VPS13A: variants seen among roughly 807,000 people sequenced by gnomAD.
VPS13A encodes the protein intermembrane lipid transfer protein VPS13A.
In VPS13A, 264 loss-of-function variants were observed where a neutral mutation model predicts 390.9. The ratio of observed to expected loss-of-function variants is 0.68; its 90% CI spans 0.61 to 0.75. The LOEUF is 0.75. VPS13A is among the 30% of genes least tolerant of loss of function. The pLI is 0.00. For missense variants in VPS13A, 3,409 were observed against 3,733.9 expected, an observed-to-expected ratio of 0.91 and a Z score of 2.27; for synonymous variants, 1,231 against 1,227.1, an observed-to-expected ratio of 1.00 and a Z score of -0.07.
intron 22 of VPS13A, among the ~76,000 whole-genome samples, chr9:77,258,922 C>A (rs1243621323): frequency 1.3e-5 from 2 of 152,136 alleles, no homozygotes; most frequent in South Asian, 4.1e-4. Flanking sequence ...AAGAAAAGGG[C>A]AGCTTTTATC....
At chr9:77,204,962 G>A (rs1330948809) in intron 3 of VPS13A, among the ~76,000 whole-genome samples, 1 of 152,020 alleles carries the variant, frequency 6.6e-6, no homozygotes, top group Non-Finnish European at 1.5e-5. Flanking sequence ...AAAAATATAG[G>A]TTTAGAGTAA....
In VPS13A at chr9:77,206,051, A is replaced by G. The variant is rs1825621283; in HGVS notation, c.357A>G (p.Glu119=). 3 of 1,581,900 alleles carry G rather than the reference A, an allele frequency of 1.9e-6. No individual in the cohort carries two copies. The Middle Eastern group carries it at 5.1e-4, about 267-fold the overall frequency. The part of the protein sequence containing the change: ...EAKQQELKRI[E]EAKQKVVDQE... The stretch of plus-strand genomic sequence containing the variant: ...AGCAACAGGAACTGAAAAGAATAGA[A>G]GAAGCAAAACAAAAAGTAGTTGATC... The change falls in exon 5 of 72, where the codon GAA becomes GAG. Residue 119 remains glutamate, a synonymous_variant. Transcript: ENST00000360280.
intron 52 of VPS13A, among the ~76,000 whole-genome samples, chr9:77,349,489 G>C (rs765534511): frequency 6.6e-6 from 1 of 152,056 alleles, no homozygotes; most frequent in Non-Finnish European, 1.5e-5. Context: ...CCCGATGTCA[G>C]TTGTTCCTTC....
chr9:77,205,857 T>C, intron 4 of VPS13A, 121 bp from the exon 5 acceptor site: 10 of 691,868 alleles, frequency 1.4e-5, no homozygotes, highest in South Asian at 3.6e-5. Flanking sequence ...CCCAAAGTGC[T>C]GGGATTACAG....
At chr9:77,400,307 C>T (rs1384762386) in intron 68 of VPS13A, among the ~76,000 whole-genome samples, 2 of 115,478 alleles carry the variant, frequency 1.7e-5, no homozygotes, top group East Asian at 2.7e-4. Flanking sequence ...TTTTTTCTGT[C>T]GGTTTCTTCA....
chr9:77,183,907 C>T (rs2131051763), intron 1 of VPS13A, among the ~76,000 whole-genome samples: 1 of 152,362 alleles, frequency 6.6e-6, no homozygotes, highest in East Asian at 1.9e-4. Context: ...TTTAACCACA[C>T]ATGTTTTGTC....
rs188844161 is a variant in VPS13A at position 77,316,157 on chromosome 9, A to G, written c.4631-17A>G. The G allele has an allele frequency of 6.5e-4, 964 of 1,475,798 alleles. 6 individuals carry two copies. In the Middle Eastern group the frequency reaches 0.014, roughly 21 times the overall value. 91.4% of individuals were successfully genotyped at this position (1,475,798 alleles called of 1,614,324 possible). On this transcript the variant is annotated splice_polypyrimidine_tract_variant and intron_variant, in intron 38 of 71. Transcript: ENST00000360280. ...TAATATATAGCAAATATTTTAATCT[A>G]TTTTTATTTGTTTTAGTACCTACAC... is the stretch of plus-strand genomic sequence containing the variant.
chr9:77,318,601 T>G lies in VPS13A; in HGVS notation c.5313+10T>G. On this transcript the variant is annotated intron_variant, in intron 41 of 71. Coordinates refer to ENST00000360280, the MANE Select transcript of VPS13A (RefSeq NM_033305.3). ...TCAGCTTGAGCTAGAAGTAAGCATA[T>G]TTTTCCAGTTTTATAACAGATAATG... 2 of 1,592,714 alleles carry G rather than the reference T, an allele frequency of 1.3e-6. No individual in the cohort carries two copies. The highest frequency in any genetic ancestry group is 1.7e-6 in the Non-Finnish European group (2 of 1,160,840).
intron 22 of VPS13A, among the ~76,000 whole-genome samples, chr9:77,257,855 TC>T (rs372566238): frequency 3.2e-4 from 48 of 152,320 alleles, no homozygotes; most frequent in African/African-American, 1.1e-3. Context: ...CTTATTGATG[TC>T]CCAGATTATA....
intron 45 of VPS13A, among the ~76,000 whole-genome samples, chr9:77,328,762 T>G (rs1467988130): frequency 6.6e-6 from 1 of 152,178 alleles, no homozygotes; most frequent in Non-Finnish European, 1.5e-5. Flanking sequence ...TTGAAGAGAG[T>G]TAGGGCCTAT....
At chr9:77,407,421 A>T in intron 70 of VPS13A, 112 bp from the exon 71 acceptor site, 3 of 825,914 alleles carry the variant, frequency 3.6e-6, no homozygotes, top group South Asian at 3.2e-5. Flanking sequence ...AAGGTGCATG[A>T]TTTGTATAAG....
chr9:77,413,789 C>T (rs144434318), intron 71 of VPS13A, among the ~76,000 whole-genome samples: 1,771 of 152,220 alleles, frequency 0.012, 21 homozygotes, highest in South Asian at 0.028. Flanking sequence ...AAGAAGCTAC[C>T]ATCAGATTGA....
intron 56 of VPS13A, 42 bp downstream of exon 56, chr9:77,357,880 G>A (rs542922538): frequency 1.3e-6 from 2 of 1,570,530 alleles, no homozygotes; most frequent in South Asian, 1.1e-5. Context: ...TATTCTAAAG[G>A]AATGCAATAA....
At chr9:77,233,368 A>G (rs1473696960) in intron 17 of VPS13A, among the ~76,000 whole-genome samples, 4 of 150,428 alleles carry the variant, frequency 2.7e-5, no homozygotes, top group Non-Finnish European at 5.9e-5. Context: ...ATTTTTTTTC[A>G]TTCTCTCTGG....
At chr9:77,372,739 C>T (rs1173215655) in intron 67 of VPS13A, among the ~76,000 whole-genome samples, 6 of 152,276 alleles carry the variant, frequency 3.9e-5, no homozygotes, top group South Asian at 4.1e-4. Context: ...GAAAACCCCA[C>T]TGTCTCAGCC....
intron 41 of VPS13A, 30 bp from the exon 42 acceptor site, chr9:77,319,542 C>G: frequency 3.6e-6 from 5 of 1,398,236 alleles, no homozygotes; most frequent in South Asian, 1.2e-5. Context: ...GATGGAAGAT[C>G]ATTTTTAATT....
rs192942248 is a variant in VPS13A at position 77,340,502 on chromosome 9, A to G, written c.6978A>G (p.Ser2326=). The G allele has an allele frequency of 4.3e-6, 7 of 1,613,308 alleles. No individual in the cohort carries two copies. In the East Asian group the frequency reaches 1.3e-4, roughly 31 times the overall value. Reference sequence around the variant, plus strand: ...AAAACAAAAGCAAATACCATATATCAGTGGCTGAAGAAGGAAATGATAAAT... The same window carrying G: ...AAAACAAAAGCAAATACCATATATCGGTGGCTGAAGAAGGAAATGATAAAT... The part of the protein sequence containing the change: ...MIKNKSKYHI[S]VAEEGNDKWL... The change falls in exon 50 of 72, where the codon TCA becomes TCG. Residue 2326 remains serine (S), a synonymous_variant. Coordinates refer to ENST00000360280, the MANE Select transcript of VPS13A (RefSeq NM_033305.3).
At position 77,214,741 on chromosome 9, in the gene VPS13A, T is replaced by C. The variant is rs191191233; in HGVS notation, c.754+355T>C. The stretch of plus-strand genomic sequence containing the variant: ...CTAGCTAGTACAGCCTTTTTCGAAA[T>C]AGTAAGATCACGCTGCATTTAAAAT... On this transcript the variant is annotated intron_variant, in intron 10 of 71. Transcript: ENST00000360280. Among the ~76,000 whole-genome samples the C allele has an allele frequency of 4.4e-4, 67 of 152,272 alleles. No individual in the cohort carries two copies. The East Asian group carries it at 0.011, about 25-fold the overall frequency.
chr9:77,388,338 A>G (rs1023919139), intron 68 of VPS13A, among the ~76,000 whole-genome samples: 9 of 152,196 alleles, frequency 5.9e-5, no homozygotes, highest in African/African-American at 2.2e-4. Context: ...AAGGAAAGTA[A>G]AACAAATAAT....
Sources: gnomAD v4.1 joint callset for allele counts (sites outside exome capture counted in the v4.1 genomes callset) on GRCh38, gnomAD v4.1.1 for gene constraint, MANE v1.5 for transcripts, NCBI Gene and HGNC (gene_info 2026-07-23, HGNC 2026-07-21) for gene names.